POTEE: variants seen among roughly 807,000 people sequenced by gnomAD.
POTEE encodes POTE ankyrin domain family member E, also known as ANKRD26-like family C member 1A.
POTEE carries 21 observed loss-of-function variants against 74.2 expected under a neutral mutation model. The observed-to-expected ratio is 0.28, with a 90% CI of 0.20 to 0.41. POTEE has a LOEUF of 0.41. Among genes scored for constraint, POTEE ranks in the 10% least tolerant of loss-of-function variants. POTEE has a pLI of 1.00. For missense variants in POTEE, 525 were observed against 1,158.6 expected (o/e 0.45, Z 7.94); for synonymous variants, 211 against 432.8 (o/e 0.49, Z 6.36).
Position 131,217,658 on chromosome 2 carries a change from C to T in POTEE, c.-119C>T, listed in dbSNP as rs940287767. 4.7e-5 allele frequency among the ~76,000 whole-genome samples: 7 copies of T among 148,050 alleles called. No individual in the cohort carries two copies. Among genetic ancestry groups the T allele is most frequent in the African/African-American group, 1.7e-4 (7 of 40,478 alleles). ...TGCCGGAACTCAAGGCTGTCAGTGA[C>T]ATTCGTGGCGCCAAGACTTAAGCAG... On this transcript the variant is annotated 5_prime_UTR_variant, in exon 3 of 18. Transcript: ENST00000683005.
intron 4 of POTEE, among the ~76,000 whole-genome samples, chr2:131,220,625 AAGTT>A (rs1700589234): frequency 1.3e-5 from 2 of 152,076 alleles, no homozygotes; most frequent in Non-Finnish European, 2.9e-5. Context: ...GAAGGAATGT[AAGTT>A]AGAAGAGGAA....
intron 4 of POTEE, among the ~76,000 whole-genome samples, chr2:131,220,665 A>G (rs1700590614): frequency 6.6e-6 from 1 of 152,112 alleles, no homozygotes; most frequent in South Asian, 2.1e-4. Flanking sequence ...TATTTAAGTT[A>G]GAAGAGGAAT....
At chr2:131,217,752 C>T (rs1443588198) in intron 3 of POTEE, among the ~76,000 whole-genome samples, 69 bp downstream of exon 3, 5 of 128,020 alleles carry the variant, frequency 3.9e-5, no homozygotes, top group Admixed American at 8.2e-5. Context: ...GCACGCCGCA[C>T]GCCGCACGCC....
intron 4 of POTEE, among the ~76,000 whole-genome samples, 167 bp from the exon 5 acceptor site, chr2:131,223,429 C>T (rs970325439): frequency 3.4e-5 from 5 of 149,126 alleles, no homozygotes; most frequent in African/African-American, 5.1e-5. Flanking sequence ...ATTAATACAG[C>T]GAGCAATGAG....
At chr2:131,214,106 ACT>A (rs746011213) in intron 2 of POTEE, among the ~76,000 whole-genome samples, 181 of 151,856 alleles carry the variant, frequency 1.2e-3, no homozygotes, top group Non-Finnish European at 2.0e-3. Context: ...ACAACCTGGG[ACT>A]CCTTAAGGAA....
intron 8 of POTEE, 140 bp downstream of exon 8, chr2:131,228,521 C>G (rs1289780519): frequency 4.9e-6 from 7 of 1,421,934 alleles, no homozygotes; most frequent in African/African-American, 4.6e-5. Flanking sequence ...TCCCCTGCAT[C>G]AGCCAGAAAT....
Position 131,209,629 on chromosome 2 carries a change from G to C in POTEE, c.-535G>C, listed in dbSNP as rs1369044068. Among the ~76,000 whole-genome samples, 1 of 151,926 alleles carries C rather than the reference G, an allele frequency of 6.6e-6. No homozygotes were observed. Among genetic ancestry groups the C allele is most frequent in the African/African-American group, 2.4e-5 (1 of 41,344 alleles). On this transcript the variant is annotated 5_prime_UTR_variant, in exon 1 of 18. Transcript: ENST00000683005. ...GGACACTGGCTCACTGCAGTTGGTGGTGTCCACAGAGCGGTAGGAGGGCAA... is the reference window on the plus strand; with the variant it reads ...GGACACTGGCTCACTGCAGTTGGTGCTGTCCACAGAGCGGTAGGAGGGCAA...
intron 12 of POTEE, among the ~76,000 whole-genome samples, chr2:131,243,516 T>TAATAAATAC (rs1441700335): frequency 7.9e-5 from 12 of 151,940 alleles, no homozygotes; most frequent in Non-Finnish European, 1.6e-4. Context: ...TGTAGCTACC[T>TAATAAATAC]AATAAATACT....
chr2:131,214,510 A>G (rs1369076627), intron 2 of POTEE, among the ~76,000 whole-genome samples: 1 of 152,274 alleles, frequency 6.6e-6, no homozygotes, highest in Non-Finnish European at 1.5e-5. Flanking sequence ...GGGAAAGAAA[A>G]ACTGAACAAC....
At chr2:131,229,251 AG>A (rs1352106310) in intron 8 of POTEE, among the ~76,000 whole-genome samples, 2 of 152,070 alleles carry the variant, frequency 1.3e-5, no homozygotes, top group Non-Finnish European at 2.9e-5. Context: ...AAAGGGTGAG[AG>A]GGGTTCAAAT....
intron 16 of POTEE, among the ~76,000 whole-genome samples, chr2:131,256,813 AAGAG>A (rs1180290382): frequency 1.3e-5 from 2 of 150,606 alleles, no homozygotes; most frequent in South Asian, 2.1e-4. Context: ...AATGAAAAAA[AAGAG>A]AGATAATGAG....
At chr2:131,220,964 A>AC in intron 4 of POTEE, among the ~76,000 whole-genome samples, 1 of 151,606 alleles carries the variant, frequency 6.6e-6, no homozygotes, top group East Asian at 1.9e-4. Flanking sequence ...CCATCTCAAA[A>AC]AAAAAAAAAG....
intron 9 of POTEE, among the ~76,000 whole-genome samples, chr2:131,233,198 G>A (rs1701017333): frequency 1.3e-5 from 2 of 152,090 alleles, no homozygotes; most frequent in African/African-American, 4.8e-5. Flanking sequence ...TGGTTATGGT[G>A]TAAAACGGGT....
At chr2:131,222,628 T>C (rs1014899918) in intron 4 of POTEE, among the ~76,000 whole-genome samples, 4 of 152,186 alleles carry the variant, frequency 2.6e-5, no homozygotes, top group Admixed American at 2.6e-4. Flanking sequence ...AGAAAATTTA[T>C]AACAGTCTTA....
chr2:131,248,499 T>A (rs1229223076), intron 13 of POTEE, among the ~76,000 whole-genome samples: 1 of 152,150 alleles, frequency 6.6e-6, no homozygotes, highest in Admixed American at 6.5e-5. Flanking sequence ...GAATGACTAA[T>A]GTTTTTCGAT....
chr2:131,224,903 A>G (rs1700732468), intron 6 of POTEE, among the ~76,000 whole-genome samples: 1 of 152,104 alleles, frequency 6.6e-6, no homozygotes, highest in South Asian at 2.1e-4. Context: ...TTTCAAATCT[A>G]GAGTGTCTGG....
intron 16 of POTEE, among the ~76,000 whole-genome samples, chr2:131,255,587 T>TTA (rs1701570840): frequency 3.2e-5 from 1 of 31,486 alleles, no homozygotes; most frequent in African/African-American, 9.2e-5. Context: ...TTTTTTTTTT[T>TTA]AAGACAGAGT....
At chr2:131,259,102 AT>A (rs1192374463) in intron 16 of POTEE, among the ~76,000 whole-genome samples, 245 of 57,570 alleles carry the variant, frequency 4.3e-3, no homozygotes, top group African/African-American at 0.015. Flanking sequence ...TCCTTTATGA[AT>A]TACCTAGTCT....
intron 14 of POTEE, among the ~76,000 whole-genome samples, chr2:131,251,292 T>C (rs1701461450): frequency 3.1e-5 from 1 of 31,810 alleles, no homozygotes; most frequent in African/African-American, 6.4e-5. Context: ...TTTAATAGAT[T>C]CTTAAAATTT....
Sources: allele counts gnomAD v4.1 joint callset (sites outside exome capture counted in the v4.1 genomes callset), GRCh38; gene constraint gnomAD v4.1.1; transcripts MANE v1.5; gene names NCBI Gene and HGNC (gene_info 2026-07-23, HGNC 2026-07-21).